Variants in PPFIBP1 observed in about 807,000 individuals in gnomAD.
The protein encoded by PPFIBP1 is PPFIB scaffold protein 1.
A neutral mutation model predicts 137.8 loss-of-function variants in PPFIBP1; 112 were observed. That is an observed-to-expected ratio of 0.81 (90% CI 0.70 to 0.95). The LOEUF (loss-of-function observed/expected upper bound fraction) is 0.95, where lower values mean the gene tolerates loss of function less well. Among genes scored for constraint, PPFIBP1 ranks in the 40% least tolerant of loss-of-function variants. The pLI, the probability that PPFIBP1 is intolerant of heterozygous loss-of-function variation, is 0.00. For synonymous variants in PPFIBP1, 378 were observed against 417.3 expected, an observed-to-expected ratio of 0.91 and a Z score of 1.15; for missense variants, 1,083 against 1,196.6, an observed-to-expected ratio of 0.91 and a Z score of 1.40.
At chr12:27,561,524 A>G (rs2049162280) in intron 1 of PPFIBP1, among the ~76,000 whole-genome samples, 1 of 152,184 alleles carries the variant, frequency 6.6e-6, no homozygotes, top group Admixed American at 6.5e-5. Flanking sequence ...GTTGGATAAA[A>G]TGTGTCATTT....
intron 2 of PPFIBP1, among the ~76,000 whole-genome samples, chr12:27,598,135 A>G (rs1374614412): frequency 1.3e-5 from 2 of 152,134 alleles, no homozygotes; most frequent in Non-Finnish European, 2.9e-5. Context: ...CCATTTCTCT[A>G]TGATATATTT....
At chr12:27,561,211 G>A (rs2049134847) in intron 1 of PPFIBP1, among the ~76,000 whole-genome samples, 1 of 152,126 alleles carries the variant, frequency 6.6e-6, no homozygotes, top group African/African-American at 2.4e-5. Flanking sequence ...GTTTGTTCTT[G>A]CAATTGTGAG....
chr12:27,647,590 G>A, intron 5 of PPFIBP1, 139 bp from the exon 6 acceptor site: 1 of 552,666 alleles, frequency 1.8e-6, no homozygotes, highest in South Asian at 3.5e-5. Flanking sequence ...CTGTCTTCTT[G>A]GTACTTCTCA....
At chr12:27,544,704 G>A (rs762706908) in intron 1 of PPFIBP1, among the ~76,000 whole-genome samples, 3 of 152,066 alleles carry the variant, frequency 2.0e-5, no homozygotes, top group Non-Finnish European at 2.9e-5. Context: ...ACCATCTCAC[G>A]CCCGTTAGAA....
chr12:27,672,478 AC>A lies in PPFIBP1; in HGVS notation c.1315del (p.Leu439PhefsTer2), dbSNP rs767069286. 6.2e-7 allele frequency: 1 copy of A among 1,603,636 alleles called. No homozygotes were observed. ...CTGTTGATACCCAACTGTGTGATAA[AC>A]TTTTGTAAGTTACATTTTATTGAAT... ...ATVDTQLCDK[L>X]LTSSLQKSSS... On this transcript the variant is annotated frameshift_variant, in exon 15 of 30. Transcript: ENST00000228425. LOFTEE classifies it high-confidence loss of function.
chr12:27,619,661 T>A (rs1335271238), intron 2 of PPFIBP1, among the ~76,000 whole-genome samples: 1 of 152,226 alleles, frequency 6.6e-6, no homozygotes, highest in African/African-American at 2.4e-5. Context: ...GAGTTTGTCC[T>A]TTCTCCCAAA....
intron 2 of PPFIBP1, among the ~76,000 whole-genome samples, chr12:27,596,026 G>A (rs1211607046): frequency 1.4e-4 from 21 of 149,306 alleles, no homozygotes; most frequent in Non-Finnish European, 2.8e-4. Context: ...GATGGTTCCC[G>A]TCCTTAGGAG....
chr12:27,528,848 TATTTCTGAAAGGTGG>T (rs1348590502), intron 1 of PPFIBP1, among the ~76,000 whole-genome samples: 1 of 152,214 alleles, frequency 6.6e-6, no homozygotes, highest in Non-Finnish European at 1.5e-5. Flanking sequence ...GGAGAGTGTC[TATTTCTGAAAGGTGG>T]GTTTGGACTC....
chr12:27,563,135 T>G (rs1227678888), intron 1 of PPFIBP1, among the ~76,000 whole-genome samples: 1 of 151,232 alleles, frequency 6.6e-6, no homozygotes, highest in Non-Finnish European at 1.5e-5. Flanking sequence ...AATAATTACA[T>G]AAGCTTTTAA....
chr12:27,556,372 C>A (rs747111736), intron 1 of PPFIBP1, among the ~76,000 whole-genome samples: 6 of 152,172 alleles, frequency 3.9e-5, no homozygotes, highest in Non-Finnish European at 8.8e-5. Context: ...CGTTTGTTAT[C>A]ATAGAGTGAA....
intron 2 of PPFIBP1, among the ~76,000 whole-genome samples, chr12:27,581,199 C>CTTCA (rs2051073527): frequency 6.6e-6 from 1 of 152,136 alleles, no homozygotes; most frequent in African/African-American, 2.4e-5. Flanking sequence ...CCAGCTGTAC[C>CTTCA]TTCAGTCTTA....
Position 27,567,966 on chromosome 12 carries a change from A to G in PPFIBP1, c.-123-10186A>G, listed in dbSNP as rs2049825600. 1.3e-5 allele frequency among the ~76,000 whole-genome samples: 2 copies of G among 152,212 alleles called. 1 individual carries two copies. The highest frequency in any genetic ancestry group is 4.1e-4 in the South Asian group (2 of 4,830). ...AGGCTGGCCTCAAACTCCTGGGCTCAAGCAATCCTCCTGCCTCAGCCTCCC... is the reference window on the plus strand; with the variant it reads ...AGGCTGGCCTCAAACTCCTGGGCTCGAGCAATCCTCCTGCCTCAGCCTCCC... On this transcript the variant is annotated intron_variant, in intron 1 of 29. Coordinates refer to ENST00000228425, the MANE Select transcript of PPFIBP1 (RefSeq NM_003622.4).
At chr12:27,613,557 G>A (rs1489290804) in intron 2 of PPFIBP1, among the ~76,000 whole-genome samples, 1 of 152,034 alleles carries the variant, frequency 6.6e-6, no homozygotes, top group Non-Finnish European at 1.5e-5. Flanking sequence ...ACAAAAATTA[G>A]CAGGGCATGG....
intron 5 of PPFIBP1, among the ~76,000 whole-genome samples, chr12:27,647,223 A>T (rs2058570551): frequency 6.6e-6 from 1 of 150,942 alleles, no homozygotes; most frequent in South Asian, 2.1e-4. Context: ...CTGGTCTTGA[A>T]CTCCTGACTT....
chr12:27,679,987 A>C lies in PPFIBP1; in HGVS notation c.1821A>C (p.Glu607Asp). The C allele has an allele frequency of 6.2e-7, 1 of 1,614,122 alleles. No homozygotes were observed. Among genetic ancestry groups the C allele is most frequent in the Non-Finnish European group, 8.5e-7 (1 of 1,179,996 alleles). ...TFNPDDMSEP[E>D]FKRGGTRATA... The stretch of plus-strand genomic sequence containing the variant: ...ACCCAGATGACATGTCTGAGCCTGA[A>C]TTCAAAAGAGGAGGGACAAGGGCAA... The change falls in exon 21 of 30, where the codon GAA (glutamate) becomes GAC (aspartate). Residue 607 changes from glutamate (E) to aspartate (D), a missense_variant. Transcript: ENST00000228425.
intron 12 of PPFIBP1, among the ~76,000 whole-genome samples, chr12:27,665,362 G>C (rs1021892759): frequency 6.6e-6 from 1 of 152,164 alleles, no homozygotes; most frequent in African/African-American, 2.4e-5. Context: ...TAATGAGATA[G>C]AGGAGGAGAG....
At chr12:27,525,295 C>T (rs751469050) in intron 1 of PPFIBP1, among the ~76,000 whole-genome samples, 24 of 152,022 alleles carry the variant, frequency 1.6e-4, no homozygotes, top group Non-Finnish European at 3.4e-4. Flanking sequence ...AAAGCAATTG[C>T]GGGAGGAAAA....
At chr12:27,563,460 GAAAAAA>G (rs10607744) in intron 1 of PPFIBP1, among the ~76,000 whole-genome samples, 3 of 119,532 alleles carry the variant, frequency 2.5e-5, no homozygotes, top group South Asian at 2.6e-4. Flanking sequence ...CCATCTCAAA[GAAAAAA>G]AAAAAAAAAA....
At chr12:27,531,306 T>A (rs567828175) in intron 1 of PPFIBP1, among the ~76,000 whole-genome samples, 123 of 152,256 alleles carry the variant, frequency 8.1e-4, no homozygotes, top group African/African-American at 2.2e-3. Context: ...TATTATTATT[T>A]TTTTTTGAGA....
Sources: allele counts gnomAD v4.1 joint callset (sites outside exome capture counted in the v4.1 genomes callset), GRCh38; gene constraint gnomAD v4.1.1; transcripts MANE v1.5; gene names NCBI Gene and HGNC (gene_info 2026-07-23, HGNC 2026-07-21).